Variants in NXPE4 observed in about 807,000 individuals in gnomAD.
NXPE4 encodes the protein NXPE family member 4.
NXPE4 carries 42 observed loss-of-function variants against 33.3 expected under a neutral mutation model. The ratio of observed to expected loss-of-function variants is 1.26; its 90% confidence interval spans 0.98 to 1.63. The LOEUF (loss-of-function observed/expected upper bound fraction) is 1.63. NXPE4 is among the 40% of genes most tolerant of loss of function. The pLI, the probability that NXPE4 is intolerant of heterozygous loss-of-function variation, is 0.00. For synonymous variants in NXPE4, 253 were observed against 234.9 expected, an observed-to-expected ratio of 1.08 and a Z score of -0.71; for missense variants, 709 against 647.6, an observed-to-expected ratio of 1.09 and a Z score of -1.03.
chr11:114,629,652 T>A, the NXPE4 span, among the ~76,000 whole-genome samples: 28 of 152,086 alleles, frequency 1.8e-4, no homozygotes, highest in East Asian at 5.2e-3. Context: ...TTCATCAGAG[T>A]GTTGGAAGTT....
At chr11:114,605,862 G>C in the NXPE4 span, among the ~76,000 whole-genome samples, 1 of 151,490 alleles carries the variant, frequency 6.6e-6, no homozygotes, top group East Asian at 2.0e-4. Context: ...CTGTTACCTG[G>C]TGGATAATAA....
At chr11:114,605,101 A>C in the NXPE4 span, among the ~76,000 whole-genome samples, 10 of 147,036 alleles carry the variant, frequency 6.8e-5, no homozygotes, top group African/African-American at 2.3e-4. Context: ...CGTGGGTAAC[A>C]GCTGTTACCC....
At chr11:114,613,421 G>A in the NXPE4 span, among the ~76,000 whole-genome samples, 1 of 151,726 alleles carries the variant, frequency 6.6e-6, no homozygotes, top group African/African-American at 2.4e-5. Flanking sequence ...GTTACCTGGT[G>A]GATAATAAGT....
the NXPE4 span, among the ~76,000 whole-genome samples, chr11:114,671,590 A>ACTTTT: frequency 6.6e-6 from 1 of 152,004 alleles, no homozygotes; most frequent in Non-Finnish European, 1.5e-5. Context: ...CTAACAACTG[A>ACTTTT]CTTTTCTTTA....
the NXPE4 span, among the ~76,000 whole-genome samples, chr11:114,643,524 C>A: frequency 2.0e-5 from 3 of 152,032 alleles, no homozygotes; most frequent in Non-Finnish European, 4.4e-5. Flanking sequence ...ATCCTTTCCC[C>A]ATTGCTTGTT....
At chr11:114,594,193 G>A (rs746549475) in intron 2 of NXPE4, among the ~76,000 whole-genome samples, 3 of 152,026 alleles carry the variant, frequency 2.0e-5, no homozygotes, top group Non-Finnish European at 4.4e-5. Flanking sequence ...TGTCTTGTTT[G>A]TAGCACAAGA....
chr11:114,601,731 T>TTA, the NXPE4 span, among the ~76,000 whole-genome samples: 1 of 72,004 alleles, frequency 1.4e-5, no homozygotes, highest in Non-Finnish European at 2.3e-5. Context: ...TAATTATATA[T>TTA]TATATATAAT....
intron 2 of NXPE4, among the ~76,000 whole-genome samples, chr11:114,587,879 AG>A (rs899934728): frequency 6.6e-6 from 1 of 152,140 alleles, no homozygotes; most frequent in Non-Finnish European, 1.5e-5. Flanking sequence ...CTTTTGCATA[AG>A]GGTGTGGCCT....
At chr11:114,593,870 A>C (rs78087781) in intron 2 of NXPE4, among the ~76,000 whole-genome samples, 27,292 of 152,186 alleles carry the variant, frequency 0.18, 2,790 homozygotes, top group South Asian at 0.22. Context: ...TGTCATTTGC[A>C]ACAACATGGA....
the NXPE4 span, among the ~76,000 whole-genome samples, chr11:114,607,072 C>A: frequency 1.3e-4 from 19 of 150,030 alleles, no homozygotes; most frequent in Non-Finnish European, 1.9e-4. Flanking sequence ...ACCACTGTTA[C>A]CCTGTGGATA....
At chr11:114,623,245 T>A in the NXPE4 span, among the ~76,000 whole-genome samples, 2 of 150,254 alleles carry the variant, frequency 1.3e-5, no homozygotes, top group Non-Finnish European at 3.0e-5. Context: ...AACCACTGTT[T>A]CCCGGTGGGT....
chr11:114,637,656 C>G, the NXPE4 span, among the ~76,000 whole-genome samples: 9 of 150,506 alleles, frequency 6.0e-5, no homozygotes, highest in Admixed American at 1.3e-4. Context: ...TAGGGCAGAC[C>G]TGGTGGTGAC....
the NXPE4 span, among the ~76,000 whole-genome samples, chr11:114,610,524 G>C: frequency 6.6e-6 from 1 of 151,744 alleles, no homozygotes; most frequent in Non-Finnish European, 1.5e-5. Context: ...TGTAACCACT[G>C]TTACCCGGTG....
At chr11:114,657,409 G>C in the NXPE4 span, among the ~76,000 whole-genome samples, 1 of 152,020 alleles carries the variant, frequency 6.6e-6, no homozygotes, top group African/African-American at 2.4e-5. Context: ...TTGAATGTAG[G>C]CAATAAAGCT....
chr11:114,593,328 G>A (rs1408561212), intron 2 of NXPE4, among the ~76,000 whole-genome samples: 1 of 152,002 alleles, frequency 6.6e-6, no homozygotes, highest in African/African-American at 2.4e-5. Flanking sequence ...CAACTCTATA[G>A]CAAAAATATT....
chr11:114,651,999 G>A, the NXPE4 span, among the ~76,000 whole-genome samples: 15,014 of 152,254 alleles, frequency 0.099, 934 homozygotes, highest in African/African-American at 0.17. Flanking sequence ...CCAGGTTGAA[G>A]TGGAACTTGA....
At chr11:114,610,291 G>C in the NXPE4 span, among the ~76,000 whole-genome samples, 1 of 150,920 alleles carries the variant, frequency 6.6e-6, no homozygotes, top group East Asian at 2.0e-4. Flanking sequence ...TGGATAATAA[G>C]TGTTGCCTAG....
intron 4 of NXPE4, among the ~76,000 whole-genome samples, chr11:114,580,844 G>A (rs1949128433): frequency 6.6e-6 from 1 of 152,184 alleles, no homozygotes; most frequent in African/African-American, 2.4e-5. Flanking sequence ...AGGCTGGAGA[G>A]TGTCTTAGAG....
the NXPE4 span, among the ~76,000 whole-genome samples, chr11:114,627,958 A>ATTTCTATTTAGGAT: frequency 4.6e-5 from 7 of 152,086 alleles, no homozygotes; most frequent in East Asian, 1.2e-3. Flanking sequence ...TCAACTCAAC[A>ATTTCTATTTAGGAT]AGAAGAGCTA....
Sources: allele counts gnomAD v4.1 joint callset (sites outside exome capture counted in the v4.1 genomes callset), GRCh38; gene constraint gnomAD v4.1.1; transcripts MANE v1.5; gene names NCBI Gene and HGNC (gene_info 2026-07-23, HGNC 2026-07-21).